IL20RA: variants seen among roughly 807,000 people sequenced by gnomAD.
The protein encoded by IL20RA is interleukin 20 receptor subunit alpha, also known as interleukin-20 receptor subunit alpha.
Under a neutral mutation model 36.5 loss-of-function variants are expected in IL20RA, and 29 were observed. The ratio of observed to expected loss-of-function variants is 0.79; its 90% confidence interval spans 0.59 to 1.08. IL20RA has a LOEUF of 1.08. Ranked by LOEUF, IL20RA falls within the 50% of genes least tolerant of loss-of-function variation. The pLI is 0.00. For synonymous variants in IL20RA, 279 were observed against 267.1 expected, an observed-to-expected ratio of 1.04 and a Z score of -0.43; for missense variants, 652 against 668.4, an observed-to-expected ratio of 0.98 and a Z score of 0.27.
chr6:137,007,663 G>A (rs530176474), intron 5 of IL20RA, among the ~76,000 whole-genome samples: 1 of 152,286 alleles, frequency 6.6e-6, no homozygotes, highest in South Asian at 2.1e-4. Context: ...TCATAGGAAT[G>A]GGTATCTCCA....
chr6:137,018,742 A>C (rs1283805356), intron 1 of IL20RA, among the ~76,000 whole-genome samples: 3 of 152,190 alleles, frequency 2.0e-5, no homozygotes, highest in Non-Finnish European at 4.4e-5. Context: ...AGATTTTTGA[A>C]GACAAAATAG....
chr6:137,044,447 G>A, intron 1 of IL20RA, 194 bp downstream of exon 1: 2 of 848,124 alleles, frequency 2.4e-6, no homozygotes, highest in Non-Finnish European at 3.1e-6. Flanking sequence ...TGCGCGAGGC[G>A]ACGGCGAGTG....
intron 1 of IL20RA, among the ~76,000 whole-genome samples, chr6:137,024,189 T>C (rs189440950): frequency 6.6e-6 from 1 of 152,336 alleles, no homozygotes; most frequent in East Asian, 1.9e-4. Flanking sequence ...TGATAACTAG[T>C]ATTCTCTTTA....
chr6:137,004,981 T>G (rs1179850238), intron 5 of IL20RA, among the ~76,000 whole-genome samples: 1 of 152,226 alleles, frequency 6.6e-6, no homozygotes, highest in South Asian at 2.1e-4. Context: ...GAAGGAATCA[T>G]CTGAGTGTAC....
chr6:137,006,535 T>C (rs1431615234), intron 5 of IL20RA, among the ~76,000 whole-genome samples: 4 of 152,192 alleles, frequency 2.6e-5, no homozygotes, highest in African/African-American at 9.7e-5. Context: ...ACTATAATTG[T>C]ATTTTAGGGA....
chr6:137,017,263 C>T (rs964646568), intron 1 of IL20RA, among the ~76,000 whole-genome samples, 160 bp from the exon 2 acceptor site: 3 of 152,208 alleles, frequency 2.0e-5, no homozygotes, highest in Admixed American at 6.5e-5. Flanking sequence ...GCAGAGGTGG[C>T]TCTGGGACTA....
At chr6:137,004,121 C>T (rs1312950746) in intron 6 of IL20RA, among the ~76,000 whole-genome samples, 1 of 146,012 alleles carries the variant, frequency 6.8e-6, no homozygotes, top group Non-Finnish European at 1.5e-5. Context: ...CTTTTCAAAG[C>T]TAAGGAAAAT....
At chr6:137,025,514 G>A (rs1776055110) in intron 1 of IL20RA, among the ~76,000 whole-genome samples, 1 of 152,188 alleles carries the variant, frequency 6.6e-6, no homozygotes, top group African/African-American at 2.4e-5. Flanking sequence ...TAATGCATTT[G>A]GTCTTTGGGA....
At chr6:137,005,656 T>C (rs756047269) in intron 5 of IL20RA, among the ~76,000 whole-genome samples, 6 of 152,066 alleles carry the variant, frequency 3.9e-5, no homozygotes, top group Non-Finnish European at 8.8e-5. Context: ...TTTGTTGTTG[T>C]TGTTGTTGTT....
rs902812812 is a variant in IL20RA, at chr6:137,001,434, G to A, written c.*124C>T. The A allele has an allele frequency of 8.5e-6, 7 of 823,652 alleles. No homozygotes were observed. The African/African-American group carries it at 1.2e-4, about 14-fold the overall frequency. The allele number at this position is 823,652 out of a possible 1,614,324, so 51.0% of individuals were successfully genotyped here. A position where few individuals can be genotyped will look rare whatever the true frequency, so the allele number is the denominator to read the frequency against. ...CTATGAGAATAGAGAAAAGAAATAA[G>A]TAATTCTCACAGACACTGACAAACT... On this transcript the variant is annotated 3_prime_UTR_variant, in exon 7 of 7. Coordinates refer to ENST00000316649, the MANE Select transcript of IL20RA (RefSeq NM_014432.4).
At chr6:137,013,776 A>G (rs1346408616) in intron 2 of IL20RA, among the ~76,000 whole-genome samples, 1 of 152,214 alleles carries the variant, frequency 6.6e-6, no homozygotes, top group African/African-American at 2.4e-5. Flanking sequence ...TAGCCTGGCT[A>G]TGAACTGGGG....
chr6:137,014,568 C>A (rs1050258515), intron 2 of IL20RA, among the ~76,000 whole-genome samples: 4 of 151,920 alleles, frequency 2.6e-5, no homozygotes, highest in Non-Finnish European at 4.4e-5. Flanking sequence ...CATATTTGTT[C>A]CTAAAAGAGC....
At chr6:137,011,504 TA>T (rs758393772) in intron 2 of IL20RA, 52 bp from the exon 3 acceptor site, 2 of 1,209,220 alleles carry the variant, frequency 1.7e-6, no homozygotes, top group Admixed American at 2.6e-5. Context: ...TACTTTACAA[TA>T]AAAAAACTCA....
chr6:137,004,175 T>TTTTTTTTTTTG (rs1775192015), intron 6 of IL20RA, among the ~76,000 whole-genome samples: 3 of 78,360 alleles, frequency 3.8e-5, no homozygotes, highest in Non-Finnish European at 8.8e-5. Context: ...TTTTTTTTTT[T>TTTTTTTTTTTG]TTTTTTTTTT....
intron 4 of IL20RA, 62 bp from the exon 5 acceptor site, chr6:137,008,805 ATAACTG>A: frequency 7.5e-7 from 1 of 1,338,270 alleles, no homozygotes; most frequent in East Asian, 2.6e-5. Context: ...CCCCAGACAA[ATAACTG>A]TAGAAGGAAA....
At chr6:137,018,666 A>G (rs1775792362) in intron 1 of IL20RA, among the ~76,000 whole-genome samples, 1 of 152,162 alleles carries the variant, frequency 6.6e-6, no homozygotes, top group Admixed American at 6.6e-5. Context: ...TGGAGATTAC[A>G]TAGAGTGAAT....
Position 137,002,303 on chromosome 6 carries a change from T to A in IL20RA, c.917A>T (p.Lys306Ile). Residue 306 changes from lysine (K) to isoleucine (I), a missense_variant, in exon 7 of 7, where the codon AAA (lysine) becomes ATA (isoleucine). By Grantham distance (102) the Lys-to-Ile change is moderately radical. Coordinates refer to ENST00000316649, the MANE Select transcript of IL20RA (RefSeq NM_014432.4). Reference protein sequence around the residue: ...FDKRFFVPAEKIVINFITLNI... With the variant: ...FDKRFFVPAEIIVINFITLNI... ...GAGGGTGATAAAGTTAATCACGATT[T>A]TTTCAGCAGGCACAAAGAATCTTTT... The A allele has an allele frequency of 6.2e-7, 1 of 1,608,504 alleles. No homozygotes were observed. Among genetic ancestry groups the A allele is most frequent in the Admixed American group, 1.7e-5 (1 of 58,898 alleles).
chr6:137,033,075 C>A (rs1178658426), intron 1 of IL20RA, among the ~76,000 whole-genome samples: 1 of 152,206 alleles, frequency 6.6e-6, no homozygotes, highest in Non-Finnish European at 1.5e-5. Context: ...TGGCTTAAAA[C>A]AATGGACATT....
chr6:137,014,612 T>G (rs1182777119), intron 2 of IL20RA, among the ~76,000 whole-genome samples: 2 of 152,246 alleles, frequency 1.3e-5, no homozygotes, highest in Admixed American at 6.5e-5. Context: ...TGAAAAATAT[T>G]GAGAGGTTAA....
Sources: gnomAD v4.1 joint callset for allele counts (sites outside exome capture counted in the v4.1 genomes callset) on GRCh38, gnomAD v4.1.1 for gene constraint, MANE v1.5 for transcripts, NCBI Gene and HGNC (gene_info 2026-07-23, HGNC 2026-07-21) for gene names.